Variants in DIRAS3 observed in about 807,000 individuals in gnomAD.
DIRAS3 encodes GTP-binding protein Di-Ras3.
For synonymous variants in DIRAS3, 133 were observed against 131.4 expected (o/e 1.01, Z -0.08); for missense variants, 248 against 300.6 (o/e 0.83, Z 1.29).
In DIRAS3 at chr1:68,046,749, C is replaced by T; in HGVS notation, c.549G>A (p.Lys183=). The T allele has an allele frequency of 6.2e-7, 1 of 1,614,174 alleles. No homozygotes were observed. Among genetic ancestry groups the T allele is most frequent in the Non-Finnish European group, 8.5e-7 (1 of 1,180,034 alleles). The change falls in exon 2 of 2, where the codon AAG becomes AAA. Residue 183 remains lysine, a synonymous_variant. Transcript: ENST00000646789. Reference sequence around the variant, plus strand: ...ACAGCTCCTGCACATTCACATCGGTCTTGGCTGAAATCTCCATGAAGGCGC... The same window carrying T: ...ACAGCTCCTGCACATTCACATCGGTTTTGGCTGAAATCTCCATGAAGGCGC... The part of the protein sequence containing the change: ...WNCAFMEISA[K]TDVNVQELFH...
chr1:68,047,487 C>T (rs1446092450), intron 1 of DIRAS3, 125 bp from the exon 2 acceptor site: 2 of 602,192 alleles, frequency 3.3e-6, no homozygotes, highest in East Asian at 5.6e-5. Flanking sequence ...TAAAGGGGTG[C>T]ACACAGCGAG....
chr1:68,046,490 T>C lies in DIRAS3; in HGVS notation c.*118A>G, dbSNP rs1267766963. On this transcript the variant is annotated 3_prime_UTR_variant, in exon 2 of 2. Transcript: ENST00000646789. ...TTACAAGGTATACGTATTGACAACATGGATGTTACAGTCCAAACAACAGCA... is the reference window on the plus strand; with the variant it reads ...TTACAAGGTATACGTATTGACAACACGGATGTTACAGTCCAAACAACAGCA... 3 of 934,776 alleles carry C rather than the reference T, an allele frequency of 3.2e-6. No individual in the cohort carries two copies. Among genetic ancestry groups the C allele is most frequent in the South Asian group, 3.3e-5 (2 of 60,866 alleles). The allele number at this position is 934,776 out of a possible 1,614,324, so 57.9% of individuals were successfully genotyped here.
At chr1:68,049,968 C>G (rs377519906) in intron 1 of DIRAS3, among the ~76,000 whole-genome samples, 7 of 148,890 alleles carry the variant, frequency 4.7e-5, no homozygotes, top group African/African-American at 1.6e-4. Context: ...GGACCCCCCC[C>G]CCCACTCCCC....
In DIRAS3 at chr1:68,047,156, C is replaced by T. The variant is rs1472089567; in HGVS notation, c.142G>A (p.Val48Met). The change falls in exon 2 of 2, where the codon GTG becomes ATG. Residue 48 changes from valine to methionine, a missense_variant. By Grantham distance (21) the Val-to-Met change is conservative. Coordinates refer to ENST00000646789, the MANE Select transcript of DIRAS3 (RefSeq NM_004675.5). ...TTGTGCAGCAGCGTACTTTTCCCCA[C>T]ACCAGCGGTGCCGACTACCACGACG... ...YRVVVVGTAGVGKSTLLHKWA... is the reference protein window; with the variant it reads ...YRVVVVGTAGMGKSTLLHKWA... 2 of 1,614,076 alleles carry T rather than the reference C, an allele frequency of 1.2e-6. No homozygotes were observed. The highest frequency in any genetic ancestry group is 2.2e-5 in the East Asian group (1 of 44,890).
chr1:68,047,511 G>A (rs753178567), intron 1 of DIRAS3, 149 bp from the exon 2 acceptor site: 17 of 587,220 alleles, frequency 2.9e-5, no homozygotes, highest in Non-Finnish European at 4.8e-5. Flanking sequence ...AAAATTCCCA[G>A]GCACACAGTT....
intron 1 of DIRAS3, among the ~76,000 whole-genome samples, chr1:68,047,943 A>G (rs995967212): frequency 1.4e-5 from 2 of 142,276 alleles, no homozygotes; most frequent in African/African-American, 5.3e-5. Context: ...TGCTCTGAGC[A>G]TGCTGTCACC....
At position 68,050,562 on chromosome 1, in the gene DIRAS3, C is replaced by G. The variant is rs879680218; in HGVS notation, c.-80G>C. On this transcript the variant is annotated 5_prime_UTR_variant, in exon 1 of 2. Coordinates refer to ENST00000646789, the MANE Select transcript of DIRAS3 (RefSeq NM_004675.5). This position sits in a 1 kb window ranked among gnomAD's most constrained non-coding sequence, Gnocchi z 4.5. Reference sequence around the variant, plus strand: ...GAAAGACTTACCTTTCTCGGAGGCACGAACCAAGCAGCCTAGAAGACAAAT... The same window carrying G: ...GAAAGACTTACCTTTCTCGGAGGCAGGAACCAAGCAGCCTAGAAGACAAAT... 1 of 152,174 alleles carries G rather than the reference C, an allele frequency of 6.6e-6. No individual in the cohort carries two copies. Among genetic ancestry groups the G allele is most frequent in the Non-Finnish European group, 1.5e-5 (1 of 68,056 alleles). 9.4% of individuals were successfully genotyped at this position (152,174 alleles called of 1,614,324 possible).
In DIRAS3 at chr1:68,050,348, G is replaced by T. The variant is rs563570068; in HGVS notation, c.-66+200C>A. The stretch of plus-strand genomic sequence containing the variant: ...ATTAAAAAGTGCTAGCTTCCCAACG[G>T]GACTATCCAAAGTGCAGTTGCAGGA... On this transcript the variant is annotated intron_variant, in intron 1 of 1. Transcript: ENST00000646789. The surrounding 1 kb of genome is among the most constrained non-coding windows in gnomAD (Gnocchi z 4.5). Among the ~76,000 whole-genome samples the T allele has an allele frequency of 3.3e-5, 5 of 152,256 alleles. No homozygotes were observed. The East Asian group carries it at 9.7e-4, about 29-fold the overall frequency.
rs1211610866 is a variant in DIRAS3 at position 68,046,493 on chromosome 1, A to G, written c.*115T>C. On this transcript the variant is annotated 3_prime_UTR_variant, in exon 2 of 2. Coordinates refer to ENST00000646789, the MANE Select transcript of DIRAS3 (RefSeq NM_004675.5). ...CAAGGTATACGTATTGACAACATGG[A>G]TGTTACAGTCCAAACAACAGCACAA... 2.1e-6 allele frequency: 2 copies of G among 956,428 alleles called. No individual in the cohort carries two copies. Among genetic ancestry groups the G allele is most frequent in the Non-Finnish European group, 3.1e-6 (2 of 636,370 alleles). 59.2% of individuals were successfully genotyped at this position (956,428 alleles called of 1,614,324 possible).
At chr1:68,048,946 T>C (rs1305276418) in intron 1 of DIRAS3, among the ~76,000 whole-genome samples, 2 of 151,980 alleles carry the variant, frequency 1.3e-5, no homozygotes, top group Non-Finnish European at 1.5e-5. Flanking sequence ...TGCTATGTTG[T>C]CCAGGCTGGT....
At position 68,046,112 on chromosome 1, in the gene DIRAS3, T is replaced by TAAA. The variant is rs973202374; in HGVS notation, c.*495_*496insTTT. ...ACAATTTTCTCTGCTCCCACACCCC[T>TAAA]AATGATCAACATATTCATTTTTTTA... On this transcript the variant is annotated 3_prime_UTR_variant, in exon 2 of 2. Coordinates refer to ENST00000646789, the MANE Select transcript of DIRAS3 (RefSeq NM_004675.5). 6.5e-6 allele frequency: 1 copy of TAAA among 154,236 alleles called. No homozygotes were observed. The highest frequency in any genetic ancestry group is 1.4e-5 in the Non-Finnish European group (1 of 69,438). 9.6% of individuals were successfully genotyped at this position (154,236 alleles called of 1,614,324 possible).
chr1:68,049,477 A>G (rs1219833357), intron 1 of DIRAS3: 2 of 152,886 alleles, frequency 1.3e-5, no homozygotes, highest in African/African-American at 4.8e-5. Flanking sequence ...AATCTTTCAC[A>G]TCTTATTTAT....
intron 1 of DIRAS3, among the ~76,000 whole-genome samples, chr1:68,048,263 G>A (rs2100330808): frequency 6.6e-6 from 1 of 151,684 alleles, no homozygotes; most frequent in Admixed American, 6.6e-5. Flanking sequence ...AACTTTTTGA[G>A]TTCAGGAATA....
chr1:68,047,203 TG>T lies in DIRAS3; in HGVS notation c.94del (p.His32ThrfsTer11). The part of the protein sequence containing the change: ...ALLILRAFKP[H>X]RKIRDYRVVV... ...GACGCGGTAATCTCTGATCTTCCTG[TG>T]GGGCTTGAAGGCGCGGAGGATAAGC... On this transcript the variant is annotated frameshift_variant, in exon 2 of 2. Transcript: ENST00000646789. LOFTEE classifies it low-confidence loss of function (END_TRUNC). 1 of 1,614,094 alleles carries T rather than the reference TG, an allele frequency of 6.2e-7. No homozygotes were observed. The highest frequency in any genetic ancestry group is 8.5e-7 in the Non-Finnish European group (1 of 1,180,016).
In DIRAS3 at chr1:68,046,194, T is replaced by C. The variant is rs1645670751; in HGVS notation, c.*414A>G. ...AGCTTTTGTTGTGAAAACACTTTTC[T>C]TAAATACACAATTAAAAGATATGAT... On this transcript the variant is annotated 3_prime_UTR_variant, in exon 2 of 2. Coordinates refer to ENST00000646789, the MANE Select transcript of DIRAS3 (RefSeq NM_004675.5). 1 of 157,256 alleles carries C rather than the reference T, an allele frequency of 6.4e-6. No individual in the cohort carries two copies. The highest frequency in any genetic ancestry group is 1.9e-4 in the South Asian group (1 of 5,218). 9.7% of individuals were successfully genotyped at this position (157,256 alleles called of 1,614,324 possible). A position where few individuals can be genotyped will look rare whatever the true frequency, so the allele number is the denominator to read the frequency against.
chr1:68,049,435 A>T (rs1334706976), intron 1 of DIRAS3: 1 of 152,710 alleles, frequency 6.5e-6, no homozygotes, highest in Non-Finnish European at 1.5e-5. Context: ...AATTTAGCTT[A>T]AAAAACTAGG....
chr1:68,049,963 C>CCCCG lies in DIRAS3; in HGVS notation c.-66+584_-66+585insCGGG, dbSNP rs1274540871. ...AATTCTCATTCTCAGGCAGTGGACC[C>CCCCG]CCCCCCCCACTCCCCTCCACACTCC... On this transcript the variant is annotated intron_variant, in intron 1 of 1. Coordinates refer to ENST00000646789, the MANE Select transcript of DIRAS3 (RefSeq NM_004675.5). Among the ~76,000 whole-genome samples the CCCCG allele has an allele frequency of 1.0e-4, 15 of 150,150 alleles. 1 individual carries two copies. The highest frequency in any genetic ancestry group is 3.7e-4 in the African/African-American group (15 of 40,092).
Position 68,047,130 on chromosome 1 carries a change from C to T in DIRAS3, c.168G>A (p.Lys56=). 6.2e-7 allele frequency: 1 copy of T among 1,614,188 alleles called. No individual in the cohort carries two copies. Among genetic ancestry groups the T allele is most frequent in the South Asian group, 1.1e-5 (1 of 91,078 alleles). ...AGVGKSTLLH[K]WASGNFRHEY... The stretch of plus-strand genomic sequence containing the variant: ...CATGACGGAAGTTGCCGCTCGCCCA[C>T]TTGTGCAGCAGCGTACTTTTCCCCA... The change falls in exon 2 of 2, where the codon AAG becomes AAA. Residue 56 remains lysine, a synonymous_variant. Transcript: ENST00000646789.
chr1:68,048,042 AAAAAAAAATATATATATAT>A (rs1337806173), intron 1 of DIRAS3, among the ~76,000 whole-genome samples: 2 of 69,972 alleles, frequency 2.9e-5, no homozygotes, highest in Admixed American at 1.7e-4. Flanking sequence ...AAAAAAAAAA[AAAAAAAAATATATATATAT>A]ATATATATAT....
Sources: allele counts gnomAD v4.1 joint callset (sites outside exome capture counted in the v4.1 genomes callset), GRCh38; gene constraint gnomAD v4.1.1; non-coding constraint Gnocchi (gnomAD v3.1); transcripts MANE v1.5; gene names NCBI Gene and HGNC (gene_info 2026-07-23, HGNC 2026-07-21).